PLEKHA5: variants seen among roughly 807,000 people sequenced by gnomAD.
The protein encoded by PLEKHA5 is pleckstrin homology domain containing A5, also known as pleckstrin homology domain-containing family A member 5.
PLEKHA5 carries 55 observed loss-of-function variants against 181.9 expected under a neutral mutation model. The ratio of observed to expected loss-of-function variants is 0.30; its 90% CI spans 0.24 to 0.38. The LOEUF is 0.38. PLEKHA5 is among the 10% of genes least tolerant of loss of function. The pLI, the probability that PLEKHA5 is intolerant of heterozygous loss-of-function variation, is 1.00. For missense variants in PLEKHA5, 1,432 were observed against 1,549.5 expected, an observed-to-expected ratio of 0.92 and a Z score of 1.27; for synonymous variants, 535 against 529.4, an observed-to-expected ratio of 1.01 and a Z score of -0.15.
rs372780912 is a variant in PLEKHA5, at chr12:19,132,462, G to T, written c.227+12G>T. On this transcript the variant is annotated intron_variant, in intron 3 of 31. Transcript: ENST00000429027. Reference sequence around the variant, plus strand: ...AGATACTATATAAAGTGAGTTTTTTGACTTTCATTTTTTTCCTTCGTAATT... The same window carrying T: ...AGATACTATATAAAGTGAGTTTTTTTACTTTCATTTTTTTCCTTCGTAATT... 4.1e-6 allele frequency: 6 copies of T among 1,463,828 alleles called. No homozygotes were observed. The African/African-American group carries it at 4.2e-5, about 10-fold the overall frequency. 90.7% of individuals were successfully genotyped at this position (1,463,828 alleles called of 1,614,324 possible).
chr12:19,202,971 G>A (rs543438379), intron 3 of PLEKHA5, among the ~76,000 whole-genome samples: 25 of 152,230 alleles, frequency 1.6e-4, no homozygotes, highest in Non-Finnish European at 3.5e-4. Flanking sequence ...CATTCTTACT[G>A]GGGTAGTATT....
intron 28 of PLEKHA5, among the ~76,000 whole-genome samples, chr12:19,361,025 G>T (rs1217723837): frequency 2.0e-5 from 3 of 152,072 alleles, no homozygotes; most frequent in African/African-American, 7.2e-5. Flanking sequence ...AAAGTGCTGG[G>T]ATTACAGGTG....
chr12:19,182,832 G>C (rs1249187377), intron 3 of PLEKHA5, among the ~76,000 whole-genome samples: 1 of 152,154 alleles, frequency 6.6e-6, no homozygotes, highest in Admixed American at 6.5e-5. Context: ...ATAGGATAAG[G>C]TTTCTAAGGT....
At chr12:19,336,363 G>GT (rs762790888) in intron 20 of PLEKHA5, 152 bp from the exon 21 acceptor site, 37 of 507,632 alleles carry the variant, frequency 7.3e-5, no homozygotes, top group Admixed American at 7.9e-5. Context: ...GTTGAATTGA[G>GT]TTTTAAAAAG....
Position 19,133,687 on chromosome 12 carries a change from T to G in PLEKHA5, c.227+1237T>G, listed in dbSNP as rs368421677. Among the ~76,000 whole-genome samples, 4 of 152,038 alleles carry G rather than the reference T, an allele frequency of 2.6e-5. No homozygotes were observed. In the East Asian group the frequency reaches 7.7e-4, roughly 29 times the overall value. Reference sequence around the variant, plus strand: ...TTTATAAGTATTAGGAATGCTTGCTTTTGGATGTAGAAATAGAGAAAGCAG... The same window carrying G: ...TTTATAAGTATTAGGAATGCTTGCTGTTGGATGTAGAAATAGAGAAAGCAG... On this transcript the variant is annotated intron_variant, in intron 3 of 31. Coordinates refer to ENST00000429027, the MANE Select transcript of PLEKHA5 (RefSeq NM_001256470.2).
intron 15 of PLEKHA5, among the ~76,000 whole-genome samples, chr12:19,311,113 A>C (rs574599146): frequency 1.3e-5 from 2 of 152,030 alleles, no homozygotes. Flanking sequence ...GTTTGAGAAC[A>C]TATTGCCCGT....
chr12:19,279,795 C>T (rs1454280937), intron 11 of PLEKHA5, among the ~76,000 whole-genome samples: 1 of 151,806 alleles, frequency 6.6e-6, no homozygotes, highest in Non-Finnish European at 1.5e-5. Flanking sequence ...AATAGGAAAG[C>T]AAGAATCAAA....
intron 3 of PLEKHA5, among the ~76,000 whole-genome samples, chr12:19,175,675 T>A (rs11044444): frequency 0.55 from 83,505 of 152,124 alleles, 27,000 homozygotes; most frequent in Non-Finnish European, 0.74. Flanking sequence ...ATATGTGCAC[T>A]ATACACATGT....
At chr12:19,148,080 G>C (rs768738856) in intron 3 of PLEKHA5, among the ~76,000 whole-genome samples, 2 of 151,534 alleles carry the variant, frequency 1.3e-5, no homozygotes, top group Non-Finnish European at 2.9e-5. Flanking sequence ...TTTTTGAGAC[G>C]GAGTCTCGTT....
chr12:19,359,682 G>A (rs949252991), intron 28 of PLEKHA5, 136 bp downstream of exon 28: 14 of 860,092 alleles, frequency 1.6e-5, no homozygotes, highest in Non-Finnish European at 2.1e-5. Context: ...TAAGCTTTCT[G>A]GCCGGGCGCG....
chr12:19,199,434 A>G (rs2053679450), intron 3 of PLEKHA5, among the ~76,000 whole-genome samples: 1 of 152,152 alleles, frequency 6.6e-6, no homozygotes, highest in African/African-American at 2.4e-5. Flanking sequence ...CCAAAGAATG[A>G]AGTGGTGGCA....
At chr12:19,298,660 C>T (rs1014384419) in intron 15 of PLEKHA5, among the ~76,000 whole-genome samples, 14 of 151,978 alleles carry the variant, frequency 9.2e-5, no homozygotes, top group South Asian at 4.2e-4. Context: ...TAAGCCACCG[C>T]GCCTGGCCCA....
chr12:19,330,322 A>G (rs1219187315), intron 20 of PLEKHA5, among the ~76,000 whole-genome samples: 1 of 152,184 alleles, frequency 6.6e-6, no homozygotes, highest in African/African-American at 2.4e-5. Context: ...GAAATTTAAA[A>G]TATGGATAGC....
At chr12:19,173,546 A>AC (rs1401640846) in intron 3 of PLEKHA5, among the ~76,000 whole-genome samples, 3 of 152,094 alleles carry the variant, frequency 2.0e-5, no homozygotes, top group Non-Finnish European at 4.4e-5. Context: ...AGTGCTTTTT[A>AC]CTTTTTTCCC....
rs765157910 is a variant in PLEKHA5 at position 19,255,072 on chromosome 12, A to T, written c.339A>T (p.Glu113Asp). The T allele has an allele frequency of 1.1e-5, 17 of 1,610,278 alleles. No homozygotes were observed. The highest frequency in any genetic ancestry group is 1.4e-5 in the Non-Finnish European group (16 of 1,177,372). The part of the protein sequence containing the change: ...EQTVATMTSE[E>D]KKERPISMIN... ...CTGTTGCAACCATGACATCTGAAGA[A>T]AAGAAGGAACGGCCAATAAGTATGA... Residue 113 changes from glutamate to aspartate, a missense_variant, in exon 5 of 32, where the codon GAA becomes GAT. Physicochemically the swap from Glu to Asp is conservative, Grantham distance 45. Coordinates refer to ENST00000429027, the MANE Select transcript of PLEKHA5 (RefSeq NM_001256470.2).
chr12:19,287,520 A>T lies in PLEKHA5; in HGVS notation c.1827A>T (p.Leu609Phe). Residue 609 changes from leucine to phenylalanine, a missense_variant, in exon 13 of 32, where the codon TTA (leucine) becomes TTT (phenylalanine). Physicochemically the swap from Leu to Phe is conservative, Grantham distance 22. Coordinates refer to ENST00000429027, the MANE Select transcript of PLEKHA5 (RefSeq NM_001256470.2). ...DRRSVPAGLT[L>F]QSVSPQSLQG... The stretch of plus-strand genomic sequence containing the variant: ...GGTCAGTGCCAGCTGGCCTGACTTT[A>T]CAGTCTGTTAGTCCCCAGAGCCTCC... 1 of 1,610,350 alleles carries T rather than the reference A, an allele frequency of 6.2e-7. No individual in the cohort carries two copies. The highest frequency in any genetic ancestry group is 8.5e-7 in the Non-Finnish European group (1 of 1,177,110).
chr12:19,201,960 G>A (rs1411095617), intron 3 of PLEKHA5: 30 of 762,192 alleles, frequency 3.9e-5, no homozygotes, highest in Non-Finnish European at 4.5e-5. Flanking sequence ...AATGAAATGT[G>A]AATTACACTG....
intron 3 of PLEKHA5, among the ~76,000 whole-genome samples, chr12:19,169,821 G>A (rs2045475436): frequency 6.6e-6 from 1 of 152,122 alleles, no homozygotes; most frequent in Non-Finnish European, 1.5e-5. Context: ...ATCTTTCTGG[G>A]CCATTACCGA....
rs1288408342 is a variant in PLEKHA5, at chr12:19,244,502, T to C, written c.228-9438T>C. Among the ~76,000 whole-genome samples, 4 of 152,246 alleles carry C rather than the reference T, an allele frequency of 2.6e-5. No homozygotes were observed. In the East Asian group the frequency reaches 7.7e-4, roughly 29 times the overall value. On this transcript the variant is annotated intron_variant, in intron 3 of 31. Transcript: ENST00000429027. ...TGGCAGCTTTTGTGGGTTGGGCCTT[T>C]GCAAAAGTCCAAGTCATGATACTGG...
Sources: gnomAD v4.1 joint callset for allele counts (sites outside exome capture counted in the v4.1 genomes callset) on GRCh38, gnomAD v4.1.1 for gene constraint, MANE v1.5 for transcripts, NCBI Gene and HGNC (gene_info 2026-07-23, HGNC 2026-07-21) for gene names.